Variants in MNAT1 observed in about 807,000 individuals in gnomAD.
MNAT1 encodes MNAT1 component of CDK activating kinase.
A neutral mutation model predicts 42.0 loss-of-function variants in MNAT1; 43 were observed. The observed-to-expected ratio is 1.02, with a 90% CI of 0.80 to 1.32. The LOEUF (loss-of-function observed/expected upper bound fraction) is 1.32, where lower values mean the gene tolerates loss of function less well. MNAT1 is among the 40% of genes most tolerant of loss of function. The pLI is 0.00. For synonymous variants in MNAT1, 118 were observed against 120.0 expected (o/e 0.98, Z 0.11); for missense variants, 306 against 350.4 (o/e 0.87, Z 1.01).
At chr14:60,886,295 T>G (rs917571026) in intron 7 of MNAT1, among the ~76,000 whole-genome samples, 1 of 152,054 alleles carries the variant, frequency 6.6e-6, no homozygotes, top group East Asian at 1.9e-4. Context: ...GCCATGAGAA[T>G]GTTGATAGGG....
intron 7 of MNAT1, among the ~76,000 whole-genome samples, chr14:60,930,199 T>C (rs548198479): frequency 6.1e-5 from 8 of 130,934 alleles, no homozygotes; most frequent in African/African-American, 1.9e-4. Context: ...AAGATTCTTC[T>C]TCCGTCTTTA....
At chr14:60,863,024 A>G (rs761072102) in intron 6 of MNAT1, among the ~76,000 whole-genome samples, 11 of 152,226 alleles carry the variant, frequency 7.2e-5, no homozygotes, top group Non-Finnish European at 1.2e-4. Flanking sequence ...TACAAGTCAT[A>G]TTTATCTTGA....
At chr14:60,759,033 G>T (rs1487920232) in intron 1 of MNAT1, among the ~76,000 whole-genome samples, 1 of 152,082 alleles carries the variant, frequency 6.6e-6, no homozygotes, top group Non-Finnish European at 1.5e-5. Flanking sequence ...TTTTCAAACT[G>T]TGTTGCCTGA....
chr14:60,830,084 G>A (rs967995583), intron 6 of MNAT1, among the ~76,000 whole-genome samples: 1 of 152,182 alleles, frequency 6.6e-6, no homozygotes, highest in Admixed American at 6.5e-5. Context: ...GTTGATAGTG[G>A]TATTCTCATT....
At chr14:60,809,322 A>G (rs1566775324) in intron 4 of MNAT1, among the ~76,000 whole-genome samples, 1 of 152,136 alleles carries the variant, frequency 6.6e-6, no homozygotes, top group Non-Finnish European at 1.5e-5. Context: ...GTTTTATATC[A>G]GCATTTCTTT....
In MNAT1 at chr14:60,795,935, T is replaced by G. The variant is rs1335514589; in HGVS notation, c.90-282T>G. Among the ~76,000 whole-genome samples, 8 of 152,180 alleles carry G rather than the reference T, an allele frequency of 5.3e-5. 1 individual carries two copies. ...GTAGCCTTTTACATGCTCTTTGACT[T>G]CTCCCTATCCTGCTCTTCTTCCTAG... On this transcript the variant is annotated intron_variant, in intron 1 of 7. Coordinates refer to ENST00000261245, the MANE Select transcript of MNAT1 (RefSeq NM_002431.4).
At chr14:60,841,278 G>C (rs996699359) in intron 6 of MNAT1, among the ~76,000 whole-genome samples, 3 of 151,172 alleles carry the variant, frequency 2.0e-5, no homozygotes, top group African/African-American at 7.3e-5. Context: ...TATATTTTAT[G>C]TGTGTACTTT....
At chr14:60,905,460 A>G (rs1228287455) in intron 7 of MNAT1, among the ~76,000 whole-genome samples, 3 of 152,194 alleles carry the variant, frequency 2.0e-5, no homozygotes, top group Non-Finnish European at 2.9e-5. Context: ...ACATAAGAGG[A>G]TGTTCATGTT....
chr14:60,881,855 T>C (rs1166160075), intron 7 of MNAT1, among the ~76,000 whole-genome samples: 1 of 152,106 alleles, frequency 6.6e-6, no homozygotes, highest in Admixed American at 6.6e-5. Flanking sequence ...GTCACCCTGT[T>C]GTTCTATCAA....
chr14:60,735,582 CA>C (rs1163756975), intron 1 of MNAT1, among the ~76,000 whole-genome samples: 1 of 152,190 alleles, frequency 6.6e-6, no homozygotes, highest in African/African-American at 2.4e-5. Context: ...ATTCCTACAA[CA>C]GTCCCATGAA....
At chr14:60,889,270 G>T (rs2034771318) in intron 7 of MNAT1, among the ~76,000 whole-genome samples, 1 of 152,152 alleles carries the variant, frequency 6.6e-6, no homozygotes, top group African/African-American at 2.4e-5. Context: ...CAATGGAACA[G>T]AACAGAGCCC....
intron 7 of MNAT1, among the ~76,000 whole-genome samples, chr14:60,933,754 G>A (rs897062269): frequency 2.0e-5 from 3 of 151,950 alleles, no homozygotes; most frequent in Admixed American, 6.6e-5. Flanking sequence ...CTCTAATTCC[G>A]TACTATGGTA....
intron 7 of MNAT1, among the ~76,000 whole-genome samples, chr14:60,918,612 A>G (rs1383540636): frequency 6.6e-6 from 1 of 151,774 alleles, no homozygotes; most frequent in East Asian, 1.9e-4. Flanking sequence ...ATTATGGTGC[A>G]CAAACATCAT....
chr14:60,785,660 A>G (rs2031624474), intron 1 of MNAT1, among the ~76,000 whole-genome samples: 1 of 152,174 alleles, frequency 6.6e-6, no homozygotes, highest in Admixed American at 6.6e-5. Flanking sequence ...ATTCTCACAC[A>G]TCTGCTTTAT....
intron 7 of MNAT1, among the ~76,000 whole-genome samples, chr14:60,913,911 C>G (rs978083315): frequency 2.0e-5 from 3 of 152,234 alleles, no homozygotes; most frequent in African/African-American, 4.8e-5. Context: ...TGTCTGTGCC[C>G]TGCCCCCAGA....
At chr14:60,833,248 C>G (rs2033277238) in intron 6 of MNAT1, among the ~76,000 whole-genome samples, 1 of 152,114 alleles carries the variant, frequency 6.6e-6, no homozygotes, top group Admixed American at 6.5e-5. Context: ...GCATCCTTGT[C>G]TTATGCCAGT....
intron 7 of MNAT1, among the ~76,000 whole-genome samples, chr14:60,945,159 G>T (rs1333837607): frequency 6.6e-6 from 1 of 152,110 alleles, no homozygotes; most frequent in Admixed American, 6.5e-5. Context: ...CTTGTTCAAG[G>T]TATACTTCAG....
chr14:60,911,781 A>C (rs2035369605), intron 7 of MNAT1, among the ~76,000 whole-genome samples: 2 of 152,162 alleles, frequency 1.3e-5, no homozygotes, highest in Admixed American at 6.5e-5. Context: ...GTGGTGCTGA[A>C]AAGAATGTAT....
chr14:60,744,100 G>T, intron 1 of MNAT1, among the ~76,000 whole-genome samples: 1 of 151,990 alleles, frequency 6.6e-6, no homozygotes. Context: ...CTGTCTGTAA[G>T]AGTTAACTCC....
Sources: gnomAD v4.1 joint callset for allele counts (sites outside exome capture counted in the v4.1 genomes callset) on GRCh38, gnomAD v4.1.1 for gene constraint, MANE v1.5 for transcripts, NCBI Gene and HGNC (gene_info 2026-07-23, HGNC 2026-07-21) for gene names.